The following GPC1 variants were observed in gnomAD, a reference collection of about 807,000 sequenced individuals.
The protein encoded by GPC1 is glypican 1, also known as glypican-1.
A neutral mutation model predicts 51.5 loss-of-function variants in GPC1; 26 were observed. That is an observed-to-expected ratio of 0.50 (90% CI 0.37 to 0.70). GPC1 has a LOEUF of 0.70. Ranked by LOEUF, GPC1 falls within the 30% of genes least tolerant of loss-of-function variation. GPC1 has a pLI of 0.00. For missense variants in GPC1, 775 were observed against 800.5 expected (o/e 0.97, Z 0.38); for synonymous variants, 380 against 348.3 (o/e 1.09, Z -1.01).
intron 1 of GPC1, 41 bp downstream of exon 1, chr2:240,436,125 G>A: frequency 1.4e-5 from 17 of 1,224,770 alleles, no homozygotes; most frequent in Non-Finnish European, 1.7e-5. Flanking sequence ...GCCTGGCCGG[G>A]CTTTGGGCTC....
intron 1 of GPC1, among the ~76,000 whole-genome samples, chr2:240,440,423 C>T (rs116473228): frequency 0.039 from 5,866 of 152,340 alleles, 129 homozygotes; most frequent in African/African-American, 0.051. Flanking sequence ...CCAGGCCAGG[C>T]TGCTTGTCCC....
chr2:240,449,029 A>T (rs538189369), intron 1 of GPC1, among the ~76,000 whole-genome samples: 1 of 152,148 alleles, frequency 6.6e-6, no homozygotes, highest in East Asian at 1.9e-4. Flanking sequence ...CTGGGGGGGA[A>T]GCCACCTAAC....
Position 240,464,704 on chromosome 2 carries a change from C to T in GPC1, c.972C>T (p.Ala324=), listed in dbSNP as rs1361389324. The T allele has an allele frequency of 1.2e-6, 2 of 1,612,116 alleles. No individual in the cohort carries two copies. The highest frequency in any genetic ancestry group is 1.7e-6 in the Non-Finnish European group (2 of 1,179,598). ...IGSVHTWLAE[A]INALQDNRDT... ...GCGTGCACACGTGGCTGGCGGAGGC[C>T]ATCAACGCCCTCCAGGACAACAGGG... Residue 324 remains alanine (A), a synonymous_variant, in exon 5 of 9, where the codon GCC becomes GCT. Coordinates refer to ENST00000264039, the MANE Select transcript of GPC1 (RefSeq NM_002081.3).
intron 8 of GPC1, among the ~76,000 whole-genome samples, 194 bp downstream of exon 8, chr2:240,465,842 G>A (rs564941851): frequency 2.7e-4 from 41 of 152,314 alleles, no homozygotes; most frequent in Non-Finnish European, 5.4e-4. Flanking sequence ...AGGCCTGGCC[G>A]GGATGTCTGT....
chr2:240,436,134 T>C (rs776481654), intron 1 of GPC1, 50 bp downstream of exon 1: 5 of 1,184,250 alleles, frequency 4.2e-6, no homozygotes, highest in South Asian at 7.7e-5. Flanking sequence ...GGCTTTGGGC[T>C]CCGGACCCTG....
intron 2 of GPC1, among the ~76,000 whole-genome samples, chr2:240,460,441 G>GCGC (rs2074206594): frequency 6.6e-6 from 1 of 152,104 alleles, no homozygotes; most frequent in African/African-American, 2.4e-5. Flanking sequence ...TTTCTCCCCA[G>GCGC]CGCCGCTGAG....
intron 1 of GPC1, chr2:240,454,920 G>C: frequency 4.6e-6 from 1 of 219,576 alleles, no homozygotes; most frequent in South Asian, 5.1e-5. Flanking sequence ...CTGTCAGGAT[G>C]GGAGTCTCGC....
At chr2:240,463,266 C>T in intron 3 of GPC1, 81 bp from the exon 4 acceptor site, 3 of 1,267,024 alleles carry the variant, frequency 2.4e-6, no homozygotes, top group Non-Finnish European at 2.3e-6. Flanking sequence ...GAGCCCCCTA[C>T]CCTGGGGCTT....
At chr2:240,464,476 T>A in intron 4 of GPC1, 140 bp from the exon 5 acceptor site, 3 of 1,138,288 alleles carry the variant, frequency 2.6e-6, no homozygotes, top group Middle Eastern at 2.0e-4. Context: ...CCAACCTGAG[T>A]GCACACGTGG....
chr2:240,446,693 C>T (rs576025722), intron 1 of GPC1, among the ~76,000 whole-genome samples: 1 of 152,320 alleles, frequency 6.6e-6, no homozygotes, highest in African/African-American at 2.4e-5. Context: ...TGGGGCTGGC[C>T]ACCTGGGGCT....
chr2:240,444,250 C>T lies in GPC1; in HGVS notation c.166+8166C>T, dbSNP rs2074035758. Among the ~76,000 whole-genome samples, 6 of 152,222 alleles carry T rather than the reference C, an allele frequency of 3.9e-5. 1 individual carries two copies. The South Asian group carries it at 1.2e-3, about 31-fold the overall frequency. ...TGGGCACCACATGCCCGCCTGCTGT[C>T]CTGGCTCCTCCTGAGGGACAAGGGT... is the stretch of plus-strand genomic sequence containing the variant. On this transcript the variant is annotated intron_variant, in intron 1 of 8. Coordinates refer to ENST00000264039, the MANE Select transcript of GPC1 (RefSeq NM_002081.3).
At chr2:240,453,016 C>CGAAGGGGGTCCCGCGTCCG (rs1165276650) in intron 1 of GPC1, 32 of 352,232 alleles carry the variant, frequency 9.1e-5, no homozygotes, top group Non-Finnish European at 1.7e-4. Context: ...GCCGCCGCTG[C>CGAAGGGGGTCCCGCGTCCG]GAAGGGGGTC....
intron 1 of GPC1, among the ~76,000 whole-genome samples, chr2:240,444,301 C>A (rs905411092): frequency 5.9e-5 from 9 of 152,340 alleles, no homozygotes; most frequent in Middle Eastern, 3.4e-3. Flanking sequence ...GGAAGTACAA[C>A]GCTGCTAGGC....
chr2:240,461,293 C>T (rs995432591), intron 2 of GPC1, among the ~76,000 whole-genome samples: 1 of 152,188 alleles, frequency 6.6e-6, no homozygotes, highest in Non-Finnish European at 1.5e-5. Context: ...TCAGGCTTGA[C>T]GGCCCCCGTG....
intron 2 of GPC1, among the ~76,000 whole-genome samples, chr2:240,460,352 A>G (rs2074205876): frequency 6.6e-6 from 1 of 152,080 alleles, no homozygotes; most frequent in South Asian, 2.1e-4. Flanking sequence ...ACCCTGAGTC[A>G]GGAGCCTTCC....
chr2:240,465,406 C>A, intron 7 of GPC1, 67 bp from the exon 8 acceptor site: 1 of 1,496,736 alleles, frequency 6.7e-7, no homozygotes, highest in Admixed American at 1.7e-5. Flanking sequence ...GGAGAGTGTC[C>A]TGCTCAGGTG....
Position 240,464,619 on chromosome 2 carries a change from C to T in GPC1, c.887C>T (p.Ser296Phe), listed in dbSNP as rs2074244627. 10 of 1,610,428 alleles carry T rather than the reference C, an allele frequency of 6.2e-6. No homozygotes were observed. Among genetic ancestry groups the T allele is most frequent in the African/African-American group, 1.3e-5 (1 of 74,280 alleles). Residue 296 changes from serine to phenylalanine, a missense_variant, in exon 5 of 9, where the codon TCC (serine) becomes TTC (phenylalanine). Coordinates refer to ENST00000264039, the MANE Select transcript of GPC1 (RefSeq NM_002081.3). ...CGCGTGTTAACGCCTGTCCTAGACT[C>T]CATGGTGCTCATCACCGACAAGTTC... Reference protein sequence around the residue: ...LDAEWRNLLDSMVLITDKFWG... With the variant: ...LDAEWRNLLDFMVLITDKFWG...
intron 1 of GPC1, among the ~76,000 whole-genome samples, chr2:240,454,171 G>A (rs2074134023): frequency 2.0e-5 from 3 of 152,186 alleles, no homozygotes; most frequent in African/African-American, 4.8e-5. Context: ...TGCCGTGGCC[G>A]GTCCACCTCG....
At chr2:240,457,331 G>C (rs1433882645) in intron 1 of GPC1, 2 of 440,438 alleles carry the variant, frequency 4.5e-6, no homozygotes, top group Non-Finnish European at 9.9e-6. Context: ...AGAGGCTACA[G>C]GGGCCAAGCG....
Sources: gnomAD v4.1 joint callset for allele counts (sites outside exome capture counted in the v4.1 genomes callset) on GRCh38, gnomAD v4.1.1 for gene constraint, MANE v1.5 for transcripts, NCBI Gene and HGNC (gene_info 2026-07-23, HGNC 2026-07-21) for gene names.